NEK9: variants seen among roughly 807,000 people sequenced by gnomAD.
NEK9 encodes serine/threonine-protein kinase Nek9.
A neutral mutation model predicts 123.4 loss-of-function variants in NEK9; 75 were observed. The observed-to-expected ratio is 0.61, with a 90% CI of 0.50 to 0.74. The LOEUF (loss-of-function observed/expected upper bound fraction) is 0.74. NEK9 is among the 30% of genes least tolerant of loss of function. The pLI is 0.00. For synonymous variants in NEK9, 438 were observed against 458.7 expected (o/e 0.95, Z 0.58); for missense variants, 952 against 1,214.4 (o/e 0.78, Z 3.21).
chr14:75,097,704 G>T (rs1403447408), intron 16 of NEK9, among the ~76,000 whole-genome samples: 1 of 152,152 alleles, frequency 6.6e-6, no homozygotes, highest in Non-Finnish European at 1.5e-5. Flanking sequence ...AAGATAAATG[G>T]TGGAGAAAAA....
rs1318815519 is a variant in NEK9, at chr14:75,101,039, A to T, written c.1955T>A (p.Val652Glu). 6.2e-7 allele frequency: 1 copy of T among 1,614,238 alleles called. No individual in the cohort carries two copies. The highest frequency in any genetic ancestry group is 8.5e-7 in the Non-Finnish European group (1 of 1,180,032). The change falls in exon 16 of 22, where the codon GTG (valine) becomes GAG (glutamate). Residue 652 changes from valine to glutamate, a missense_variant. Val to Glu is a moderately radical substitution (Grantham distance 121). Around this residue, in one of 4 missense-constraint regions of NEK9, gnomAD observed 698 missense variants for 875.6 expected, o/e 0.80. Coordinates refer to ENST00000238616, the MANE Select transcript of NEK9 (RefSeq NM_033116.6). The part of the protein sequence containing the change: ...LLGGPLGGKQ[V>E]IRVSCGDEFT... ...CTCATCACCGCAGGAGACCCTGATC[A>T]CTTGCTTCCCACCAAGGGGTCCCCC...
intron 21 of NEK9, among the ~76,000 whole-genome samples, chr14:75,085,378 G>A (rs1317414440): frequency 6.6e-6 from 1 of 152,192 alleles, no homozygotes; most frequent in Non-Finnish European, 1.5e-5. Context: ...TTTTCTTTCA[G>A]GTGAGAAACC....
In NEK9 at chr14:75,100,942, G is replaced by A. The variant is rs746220350; in HGVS notation, c.2002+50C>T. On this transcript the variant is annotated intron_variant, in intron 16 of 21. Transcript: ENST00000238616. Reference sequence around the variant, plus strand: ...TCCATTTCTTTCCCAGCCAAGAACTGAAACACAGCCATGTGTCCAGAAAGC... The same window carrying A: ...TCCATTTCTTTCCCAGCCAAGAACTAAAACACAGCCATGTGTCCAGAAAGC... 8.3e-6 allele frequency: 13 copies of A among 1,562,514 alleles called. No homozygotes were observed. In the Admixed American group the frequency reaches 2.5e-4, roughly 30 times the overall value.
At chr14:75,107,288 A>T (rs1322940281) in intron 11 of NEK9, 55 bp downstream of exon 11, 2 of 1,575,502 alleles carry the variant, frequency 1.3e-6, no homozygotes, top group Non-Finnish European at 1.7e-6. Flanking sequence ...GCACAGCATT[A>T]AGCAAAATAC....
chr14:75,093,506 T>A (rs1197685650), intron 18 of NEK9, among the ~76,000 whole-genome samples: 1 of 152,202 alleles, frequency 6.6e-6, no homozygotes, highest in Non-Finnish European at 1.5e-5. Context: ...AGGCTGGCTG[T>A]ACAGTGGCGC....
At chr14:75,120,890 C>G (rs1301696679) in intron 3 of NEK9, 4 of 635,624 alleles carry the variant, frequency 6.3e-6, no homozygotes, top group Non-Finnish European at 1.1e-5. Flanking sequence ...AGTAATAGAA[C>G]CAGGAAAGAA....
At chr14:75,120,847 C>A (rs890540234) in intron 3 of NEK9, 1 of 588,476 alleles carries the variant, frequency 1.7e-6, no homozygotes. Context: ...AGGAAGAATG[C>A]AAAGTTATAG....
chr14:75,123,059 C>T (rs573582540), intron 2 of NEK9, among the ~76,000 whole-genome samples: 22 of 151,888 alleles, frequency 1.4e-4, no homozygotes, highest in East Asian at 1.2e-3. Flanking sequence ...CTTCTCAAAG[C>T]GCTGGGATTA....
rs775128946 is a variant in NEK9 at position 75,113,420 on chromosome 14, G to C, written c.874-17C>G. 5.0e-6 allele frequency: 8 copies of C among 1,600,572 alleles called. No homozygotes were observed. Among genetic ancestry groups the C allele is most frequent in the Non-Finnish European group, 6.8e-6 (8 of 1,169,248 alleles). On this transcript the variant is annotated splice_polypyrimidine_tract_variant and intron_variant, in intron 7 of 21. Transcript: ENST00000238616. ...CTCAGGATCCTAAAAAGTAAAAATA[G>C]GGTTAGTTTTCACTTAATGGAAATG...
Position 75,100,984 on chromosome 14 carries a change from A to G in NEK9, c.2002+8T>C, listed in dbSNP as rs759546431. 37 of 1,613,784 alleles carry G rather than the reference A, an allele frequency of 2.3e-5. No homozygotes were observed. Among genetic ancestry groups the G allele is most frequent in the Non-Finnish European group, 3.1e-5 (36 of 1,179,858 alleles). On this transcript the variant is annotated splice_region_variant and intron_variant, in intron 16 of 21. Transcript: ENST00000238616. ...CCAGAAAGCTTGAAATGATATGTACAGACTCACCATCAGTGGCAGCAATGG... is the reference window on the plus strand; with the variant it reads ...CCAGAAAGCTTGAAATGATATGTACGGACTCACCATCAGTGGCAGCAATGG...
intron 3 of NEK9, 192 bp downstream of exon 3, chr14:75,120,927 G>C (rs1566660322): frequency 3.0e-6 from 2 of 675,146 alleles, no homozygotes. Flanking sequence ...TGATGTGGAG[G>C]TAAAACGTTT....
chr14:75,124,902 T>A (rs975691843), intron 1 of NEK9, among the ~76,000 whole-genome samples: 1 of 151,330 alleles, frequency 6.6e-6, no homozygotes, highest in African/African-American at 2.4e-5. Context: ...TCCCCAGTAG[T>A]TGGGACTACA....
At chr14:75,096,905 A>G in intron 17 of NEK9, 195 bp downstream of exon 17, 1 of 419,400 alleles carries the variant, frequency 2.4e-6, no homozygotes, top group Non-Finnish European at 4.2e-6. Context: ...TAATCAAGAG[A>G]TGGCAGATAG....
At chr14:75,118,556 A>G (rs1895215296) in intron 5 of NEK9, among the ~76,000 whole-genome samples, 2 of 152,328 alleles carry the variant, frequency 1.3e-5, no homozygotes, top group South Asian at 4.1e-4. Context: ...GAAATCTACT[A>G]AAGATCCTAA....
At chr14:75,090,151 A>AATT (rs1894167305) in intron 19 of NEK9, among the ~76,000 whole-genome samples, 1 of 151,336 alleles carries the variant, frequency 6.6e-6, no homozygotes, top group Non-Finnish European at 1.5e-5. Context: ...ATTTTTTTTT[A>AATT]AATTTTTATA....
In NEK9 at chr14:75,113,303, C is replaced by A. The variant is rs1432418201; in HGVS notation, c.938+36G>T. On this transcript the variant is annotated intron_variant, in intron 8 of 21. Coordinates refer to ENST00000238616, the MANE Select transcript of NEK9 (RefSeq NM_033116.6). ...TCAAGCCTCTAAAAGTCAACTATCTCAGAAAAGACAATGGAGTGACTTCTT... is the reference window on the plus strand; with the variant it reads ...TCAAGCCTCTAAAAGTCAACTATCTAAGAAAAGACAATGGAGTGACTTCTT... The A allele has an allele frequency of 3.9e-6, 6 of 1,539,746 alleles. No individual in the cohort carries two copies. In the African/African-American group the frequency reaches 6.8e-5, roughly 18 times the overall value.
rs1003453055 is a variant in NEK9 at position 75,126,781 on chromosome 14, C to T, written c.141G>A (p.Gln47=). Residue 47 remains glutamine, a synonymous_variant, in exon 1 of 22, where the codon CAG becomes CAA. Transcript: ENST00000238616. The stretch of plus-strand genomic sequence containing the variant: ...GGATGGGGATGTAGTGCAGTTCCTC[C>T]TGCTCCGCCGCGCCGCCGCCGGCTC... ...GPRAGGGAAE[Q]EELHYIPIRV... 2.0e-6 allele frequency: 3 copies of T among 1,531,804 alleles called. No individual in the cohort carries two copies. The highest frequency in any genetic ancestry group is 1.8e-4 in the Middle Eastern group (1 of 5,690). 94.9% of individuals were successfully genotyped at this position (1,531,804 alleles called of 1,614,324 possible).
chr14:75,103,814 T>C (rs1160484160), intron 14 of NEK9, 28 bp downstream of exon 14: 1 of 1,569,638 alleles, frequency 6.4e-7, no homozygotes, highest in Non-Finnish European at 8.6e-7. Context: ...TCTGATGATG[T>C]GGTTAGAACA....
At position 75,091,385 on chromosome 14, in the gene NEK9, C is replaced by T. The variant is rs753366416; in HGVS notation, c.2327G>A (p.Gly776Glu). 1.2e-6 allele frequency: 2 copies of T among 1,613,944 alleles called. No homozygotes were observed. The highest frequency in any genetic ancestry group is 1.7e-6 in the Non-Finnish European group (2 of 1,179,992). Residue 776 changes from glycine to glutamate, a missense_variant, in exon 19 of 22, where the codon GGA becomes GAA. Gly to Glu is a moderately conservative substitution (Grantham distance 98, BLOSUM62 -2). This residue lies in a region of NEK9 where 698 missense variants were observed against 875.6 expected (regional missense o/e 0.80). Transcript: ENST00000238616. ...QQESETPDPSGGFRGTMEADR... is the reference protein window; with the variant it reads ...QQESETPDPSEGFRGTMEADR... ...TGCTTCCATTGTTCCTCGGAAGCCT[C>T]CACTTGGGTCAGGAGTTTCAGATTC...
Sources: allele counts gnomAD v4.1 joint callset (sites outside exome capture counted in the v4.1 genomes callset), GRCh38; gene constraint gnomAD v4.1.1; regional missense constraint gnomAD v4.1.1; transcripts MANE v1.5; gene names NCBI Gene and HGNC (gene_info 2026-07-23, HGNC 2026-07-21).